The following HDAC9 variants were observed in gnomAD, a reference collection of about 807,000 sequenced individuals.
HDAC9 encodes histone deacetylase 9.
A neutral mutation model predicts 139.4 loss-of-function variants in HDAC9; 41 were observed. The ratio of observed to expected loss-of-function variants is 0.29; its 90% CI spans 0.23 to 0.38. HDAC9 has a LOEUF of 0.38. Ranked by LOEUF, HDAC9 falls within the 10% of genes least tolerant of loss-of-function variation. The pLI is 1.00. For synonymous variants in HDAC9, 517 were observed against 476.2 expected (o/e 1.09, Z -1.12); for missense variants, 1,147 against 1,297.0 (o/e 0.88, Z 1.78).
intron 12 of HDAC9, among the ~76,000 whole-genome samples, chr7:18,697,186 G>A (rs978882726): frequency 6.6e-6 from 1 of 152,128 alleles, no homozygotes; most frequent in Non-Finnish European, 1.5e-5. Flanking sequence ...AGTAAATCTG[G>A]ATGAGCTTCT....
chr7:18,981,494 T>C (rs1025740827), intron 25 of HDAC9, among the ~76,000 whole-genome samples: 10 of 152,140 alleles, frequency 6.6e-5, no homozygotes, highest in African/African-American at 2.4e-4. Context: ...CTAAAAGCAA[T>C]GTATTGGCAA....
chr7:18,438,929 A>C (rs1391842430), intron 1 of HDAC9, among the ~76,000 whole-genome samples: 1 of 152,204 alleles, frequency 6.6e-6, no homozygotes, highest in Non-Finnish European at 1.5e-5. Flanking sequence ...GCTAACAGTT[A>C]AGGGCATCAG....
intron 2 of HDAC9, among the ~76,000 whole-genome samples, chr7:18,257,816 T>C (rs17138874): frequency 0.41 from 61,656 of 152,140 alleles, 14,241 homozygotes; most frequent in Admixed American, 0.53. Flanking sequence ...ATGCTTTGGG[T>C]TAATTGCATA....
rs1795544664 is a variant in HDAC9 at position 18,827,536 on chromosome 7, G to T, written c.2323-1625G>T. Reference sequence around the variant, plus strand: ...ACATTTTCTAAAAATTTAATTTCCAGGGTAGAAAAATGGCTTCTCTCTGGG... The same window carrying T: ...ACATTTTCTAAAAATTTAATTTCCATGGTAGAAAAATGGCTTCTCTCTGGG... On this transcript the variant is annotated intron_variant, in intron 17 of 25. Coordinates refer to ENST00000686413, the MANE Select transcript of HDAC9 (RefSeq NM_178425.4). 2.0e-5 allele frequency among the ~76,000 whole-genome samples: 3 copies of T among 152,066 alleles called. No homozygotes were observed. In the South Asian group the frequency reaches 6.2e-4, roughly 32 times the overall value.
chr7:18,934,029 G>A (rs543425107), intron 22 of HDAC9, among the ~76,000 whole-genome samples: 1 of 152,154 alleles, frequency 6.6e-6, no homozygotes, highest in South Asian at 2.1e-4. Flanking sequence ...AATATTTACA[G>A]ACAATGTCCA....
intron 3 of HDAC9, among the ~76,000 whole-genome samples, chr7:18,589,706 C>G (rs973794866): frequency 2.6e-5 from 4 of 151,984 alleles, no homozygotes; most frequent in Non-Finnish European, 4.4e-5. Context: ...CTTTTATGTG[C>G]TGAATGAAAG....
chr7:18,912,190 T>C (rs1351145315), intron 22 of HDAC9, among the ~76,000 whole-genome samples: 1 of 152,052 alleles, frequency 6.6e-6, no homozygotes, highest in Non-Finnish European at 1.5e-5. Flanking sequence ...TTACAATTGT[T>C]AAATACTCTT....
At chr7:18,628,173 A>T (rs1842192393) in intron 6 of HDAC9, among the ~76,000 whole-genome samples, 1 of 152,164 alleles carries the variant, frequency 6.6e-6, no homozygotes, top group Admixed American at 6.6e-5. Flanking sequence ...AATTTTTATG[A>T]TGATAATACA....
intron 2 of HDAC9, among the ~76,000 whole-genome samples, chr7:18,544,970 G>A (rs1450487238): frequency 2.0e-5 from 3 of 152,182 alleles, no homozygotes; most frequent in Non-Finnish European, 4.4e-5. Flanking sequence ...AAAACTGAGC[G>A]GTGGTGGAGT....
chr7:18,164,455 A>G (rs1022664153), intron 2 of HDAC9, among the ~76,000 whole-genome samples: 4 of 152,224 alleles, frequency 2.6e-5, no homozygotes, highest in Admixed American at 1.3e-4. Context: ...GTCTTATGCA[A>G]TCATCATCCA....
At chr7:18,393,902 G>A (rs532196452) in intron 1 of HDAC9, among the ~76,000 whole-genome samples, 1 of 152,294 alleles carries the variant, frequency 6.6e-6, no homozygotes, top group African/African-American at 2.4e-5. Flanking sequence ...AATTGCGTGT[G>A]GGGAAGTACT....
chr7:18,736,060 C>T (rs544286969), intron 13 of HDAC9, among the ~76,000 whole-genome samples: 1 of 152,308 alleles, frequency 6.6e-6, no homozygotes, highest in African/African-American at 2.4e-5. Flanking sequence ...TACAGGAATG[C>T]TTGTGATTTT....
At chr7:18,820,118 C>T (rs1445051715) in intron 17 of HDAC9, among the ~76,000 whole-genome samples, 1 of 152,054 alleles carries the variant, frequency 6.6e-6, no homozygotes, top group African/African-American at 2.4e-5. Flanking sequence ...AAAAAATTTT[C>T]TATTTTTATT....
At chr7:18,258,821 A>G (rs569877067) in intron 2 of HDAC9, among the ~76,000 whole-genome samples, 2 of 152,282 alleles carry the variant, frequency 1.3e-5, no homozygotes, top group Admixed American at 1.3e-4. Context: ...ATTCAACTCC[A>G]GTATTTTAGA....
At chr7:18,455,769 A>G (rs1453537479) in intron 1 of HDAC9, among the ~76,000 whole-genome samples, 2 of 152,146 alleles carry the variant, frequency 1.3e-5, no homozygotes, top group African/African-American at 2.4e-5. Context: ...TAAATTATTG[A>G]AAAGCACTCT....
chr7:18,522,237 G>A (rs1276291378), intron 2 of HDAC9, among the ~76,000 whole-genome samples: 1 of 152,088 alleles, frequency 6.6e-6, no homozygotes, highest in Admixed American at 6.6e-5. Flanking sequence ...AAAGCACTTA[G>A]GGCCATTCAG....
intron 1 of HDAC9, among the ~76,000 whole-genome samples, chr7:18,294,204 A>G (rs1446173954): frequency 1.3e-5 from 2 of 152,118 alleles, no homozygotes; most frequent in Non-Finnish European, 2.9e-5. Flanking sequence ...TTCTAACTAC[A>G]TTGTACTGTC....
At chr7:18,980,041 C>G (rs1784798483) in intron 25 of HDAC9, among the ~76,000 whole-genome samples, 1 of 152,136 alleles carries the variant, frequency 6.6e-6, no homozygotes, top group South Asian at 2.1e-4. Context: ...AAAGCCTTAG[C>G]TGAAAATTGA....
Position 18,269,128 on chromosome 7 carries a change from A to G in HDAC9, c.25+106779A>G, listed in dbSNP as rs540052418. ...GTTAAGTCTTCTGGAAGTTCAGGGA[A>G]TGTGCTGCTTCAGGGCTTATAGCAA... On this transcript the variant is annotated intron_variant, in intron 2 of 12. Transcript: ENST00000417496. Among the ~76,000 whole-genome samples the G allele has an allele frequency of 3.1e-3, 466 of 152,288 alleles. 1 individual carries two copies. The highest frequency in any genetic ancestry group is 4.7e-3 in the Non-Finnish European group (317 of 68,008).
Sources: gnomAD v4.1 joint callset for allele counts (sites outside exome capture counted in the v4.1 genomes callset) on GRCh38, gnomAD v4.1.1 for gene constraint, MANE v1.5 for transcripts, NCBI Gene and HGNC (gene_info 2026-07-23, HGNC 2026-07-21) for gene names.